Variants in GPC5 observed in about 807,000 individuals in gnomAD.
GPC5 encodes glypican-5.
Under a neutral mutation model 53.9 loss-of-function variants are expected in GPC5, and 47 were observed. The observed-to-expected ratio is 0.87, with a 90% confidence interval of 0.69 to 1.11. The LOEUF (loss-of-function observed/expected upper bound fraction) is 1.11. GPC5 is among the 50% of genes most tolerant of loss of function. The pLI is 0.00. For synonymous variants in GPC5, 286 were observed against 263.3 expected (o/e 1.09, Z -0.84); for missense variants, 748 against 713.1 (o/e 1.05, Z -0.56).
chr13:91,638,262 T>C (rs1399286000), intron 2 of GPC5, among the ~76,000 whole-genome samples: 1 of 152,230 alleles, frequency 6.6e-6, no homozygotes, highest in Non-Finnish European at 1.5e-5. Context: ...GAAGACTTTC[T>C]TGTGTTTTCT....
chr13:92,425,313 T>A (rs1427877321), intron 7 of GPC5, among the ~76,000 whole-genome samples: 2 of 152,082 alleles, frequency 1.3e-5, no homozygotes, highest in Non-Finnish European at 2.9e-5. Flanking sequence ...AGTTTCTAGA[T>A]GTAGTAAAAG....
At chr13:92,813,955 C>A (rs114687357) in intron 7 of GPC5, among the ~76,000 whole-genome samples, 1 of 151,798 alleles carries the variant, frequency 6.6e-6, no homozygotes, top group Admixed American at 6.6e-5. Context: ...AAAAATAATT[C>A]GCTTGGAGAA....
chr13:91,628,577 A>G (rs756130810), intron 2 of GPC5, among the ~76,000 whole-genome samples: 3 of 152,126 alleles, frequency 2.0e-5, no homozygotes, highest in Non-Finnish European at 4.4e-5. Flanking sequence ...TAATTGGAAA[A>G]TAGCATGGTA....
At chr13:92,385,572 G>A (rs948734751) in intron 7 of GPC5, among the ~76,000 whole-genome samples, 9 of 135,428 alleles carry the variant, frequency 6.6e-5, no homozygotes, top group Admixed American at 1.5e-4. Flanking sequence ...ATACATATAC[G>A]CATATATAAT....
intron 7 of GPC5, among the ~76,000 whole-genome samples, chr13:92,193,387 C>T (rs2042236952): frequency 6.6e-6 from 1 of 152,082 alleles, no homozygotes; most frequent in South Asian, 2.1e-4. Flanking sequence ...AAATTCTGAA[C>T]TCCATATCTC....
chr13:92,775,577 T>C (rs1186285222), intron 7 of GPC5, among the ~76,000 whole-genome samples: 1 of 152,170 alleles, frequency 6.6e-6, no homozygotes, highest in Non-Finnish European at 1.5e-5. Flanking sequence ...AATCCCTGAT[T>C]ATCAACTGAT....
At chr13:92,113,212 A>G (rs1373622313) in intron 6 of GPC5, among the ~76,000 whole-genome samples, 1 of 152,162 alleles carries the variant, frequency 6.6e-6, no homozygotes, top group Admixed American at 6.5e-5. Context: ...TTAAATAATG[A>G]TATTTAATTG....
At position 91,689,228 on chromosome 13, in the gene GPC5, T is replaced by C. The variant is rs1239451326; in HGVS notation, c.326-3959T>C. ...ATATATATATATATATATATATATA[T>C]ATACACATATAAAATTATGGTATAA... On this transcript the variant is annotated intron_variant, in intron 2 of 7. Transcript: ENST00000377067. 1.7e-3 allele frequency among the ~76,000 whole-genome samples: 158 copies of C among 91,222 alleles called. 2 individuals carry two copies. Among genetic ancestry groups the C allele is most frequent in the African/African-American group, 7.4e-3 (148 of 19,924 alleles). The allele number at this position is 91,222 out of a possible 152,430, so 59.8% of individuals were successfully genotyped here. A position where few individuals can be genotyped will look rare whatever the true frequency, so the allele number is the denominator to read the frequency against.
intron 7 of GPC5, among the ~76,000 whole-genome samples, chr13:92,346,494 G>A (rs1376602823): frequency 6.6e-6 from 1 of 152,158 alleles, no homozygotes; most frequent in Non-Finnish European, 1.5e-5. Context: ...AACAAGATCT[G>A]CCTGCCTGGG....
chr13:92,053,307 C>G (rs1038608971), intron 6 of GPC5, among the ~76,000 whole-genome samples: 3 of 152,142 alleles, frequency 2.0e-5, no homozygotes, highest in Non-Finnish European at 4.4e-5. Flanking sequence ...CAGTTATCTC[C>G]CACCGACGTC....
rs558543041 is a variant in GPC5, at chr13:91,922,673, T to TA, written c.1401+14624dup. ...ACTTACAAGAGCACTTCTCTAGAGA[T>TA]AAAAAAAACAAAAATCAAAGCATTG... is the stretch of plus-strand genomic sequence containing the variant. On this transcript the variant is annotated intron_variant, in intron 6 of 7. Transcript: ENST00000377067. Among the ~76,000 whole-genome samples, 417 of 151,964 alleles carry TA rather than the reference T, an allele frequency of 2.7e-3. 1 individual carries two copies. The highest frequency in any genetic ancestry group is 0.01 in the South Asian group (50 of 4,802).
At chr13:92,247,548 T>C (rs2042661557) in intron 7 of GPC5, among the ~76,000 whole-genome samples, 2 of 152,134 alleles carry the variant, frequency 1.3e-5, no homozygotes, top group African/African-American at 4.8e-5. Context: ...AAATTCTTTA[T>C]TAGAATTTGG....
intron 7 of GPC5, among the ~76,000 whole-genome samples, chr13:92,858,116 C>G (rs921529240): frequency 6.6e-6 from 1 of 152,166 alleles, no homozygotes; most frequent in African/African-American, 2.4e-5. Flanking sequence ...TATGTAGACA[C>G]TGATATGGTT....
chr13:92,296,862 G>A (rs373230572), intron 7 of GPC5, among the ~76,000 whole-genome samples: 11 of 152,206 alleles, frequency 7.2e-5, no homozygotes, highest in African/African-American at 1.9e-4. Context: ...GCCCACTGGC[G>A]CTGTGCTCGA....
chr13:91,503,221 A>G (rs1406028343), intron 2 of GPC5, among the ~76,000 whole-genome samples: 8 of 152,326 alleles, frequency 5.3e-5, no homozygotes, highest in Admixed American at 5.2e-4. Flanking sequence ...GAGGAATGGT[A>G]GAGCTTTTCA....
At chr13:92,177,601 T>A (rs1408324502) in intron 7 of GPC5, among the ~76,000 whole-genome samples, 1 of 152,214 alleles carries the variant, frequency 6.6e-6, no homozygotes, top group Non-Finnish European at 1.5e-5. Flanking sequence ...AGATCAGATA[T>A]GCACAGTCTC....
intron 6 of GPC5, among the ~76,000 whole-genome samples, chr13:92,051,601 C>T (rs1220653638): frequency 2.6e-5 from 4 of 152,186 alleles, no homozygotes; most frequent in African/African-American, 9.7e-5. Context: ...TCGTCAGTAT[C>T]ACAGAGATTA....
chr13:92,202,567 A>C (rs1440620413), intron 7 of GPC5, among the ~76,000 whole-genome samples: 1 of 152,208 alleles, frequency 6.6e-6, no homozygotes, highest in African/African-American at 2.4e-5. Context: ...ACACTGGAGG[A>C]TATGGTCATT....
At chr13:92,864,193 G>A (rs1879272314) in intron 7 of GPC5, among the ~76,000 whole-genome samples, 1 of 152,100 alleles carries the variant, frequency 6.6e-6, no homozygotes, top group South Asian at 2.1e-4. Context: ...TGACTGCCAG[G>A]CTCTTGAAAA....
Sources: gnomAD v4.1 joint callset for allele counts (sites outside exome capture counted in the v4.1 genomes callset) on GRCh38, gnomAD v4.1.1 for gene constraint, MANE v1.5 for transcripts, NCBI Gene and HGNC (gene_info 2026-07-23, HGNC 2026-07-21) for gene names.